SLC5A10: variants seen among roughly 807,000 people sequenced by gnomAD.
The protein encoded by SLC5A10 is sodium/mannose cotransporter SLC5A10.
Under a neutral mutation model 68.9 loss-of-function variants are expected in SLC5A10, and 55 were observed. That is an observed-to-expected ratio of 0.80 (90% CI 0.64 to 1.00). The LOEUF is 1.00. SLC5A10 is among the 50% of genes least tolerant of loss of function. The probability of loss-of-function intolerance (pLI) is 0.00; values close to 1 mark genes in which losing one functional copy is unlikely to be tolerated. For missense variants in SLC5A10, 732 were observed against 819.3 expected, an observed-to-expected ratio of 0.89 and a Z score of 1.30; for synonymous variants, 344 against 344.8, an observed-to-expected ratio of 1.00 and a Z score of 0.02.
rs537020289 is a variant in SLC5A10 at position 18,968,838 on chromosome 17, C to A, written c.454-214C>A. 2 of 573,828 alleles carry A rather than the reference C, an allele frequency of 3.5e-6. No individual in the cohort carries two copies. The highest frequency in any genetic ancestry group is 6.2e-6 in the Non-Finnish European group (2 of 323,246). 35.5% of individuals were successfully genotyped at this position (573,828 alleles called of 1,614,324 possible). ...TGGACTTTATTAGCAACAGTAATGT[C>A]CCCTGACATCCGCACAAGCTTGTAG... On this transcript the variant is annotated intron_variant, in intron 5 of 14. Transcript: ENST00000395645. This position sits in a 1 kb window ranked among gnomAD's most constrained non-coding sequence, Gnocchi z 4.1.
chr17:18,969,150 C>T lies in SLC5A10; in HGVS notation c.552C>T (p.Thr184=). ...ILTLGITALY[T]IAGGLAAVIY... is the part of the protein sequence containing the mutation. ...CGCTCGGCATCACAGCCCTGTACAC[C>T]ATCGCAGGTATGGTGCCTGCAGCAG... The change falls in exon 6 of 15, where the codon ACC becomes ACT. Residue 184 remains threonine (T), a synonymous_variant. Transcript: ENST00000395645. The T allele has an allele frequency of 6.2e-7, 1 of 1,613,692 alleles. No homozygotes were observed. The highest frequency in any genetic ancestry group is 8.5e-7 in the Non-Finnish European group (1 of 1,179,784).
intron 5 of SLC5A10, among the ~76,000 whole-genome samples, chr17:18,961,757 G>C (rs1020924413): frequency 6.6e-6 from 1 of 152,192 alleles, no homozygotes; most frequent in African/African-American, 2.4e-5. Context: ...ACGGGGCCCC[G>C]GTGGGGGTCT....
intron 9 of SLC5A10, among the ~76,000 whole-genome samples, chr17:18,982,641 G>T (rs896646316): frequency 6.6e-6 from 1 of 152,182 alleles, no homozygotes; most frequent in Admixed American, 6.5e-5. Context: ...AAGGCAAGGT[G>T]GGGGCTCCAG....
At chr17:18,958,880 A>G (rs2151992709) in intron 2 of SLC5A10, 127 bp downstream of exon 2, 2 of 1,108,510 alleles carry the variant, frequency 1.8e-6, no homozygotes, top group Non-Finnish European at 2.6e-6. Flanking sequence ...GGCTGGCAGG[A>G]GGTCCCCAAG....
intron 9 of SLC5A10, among the ~76,000 whole-genome samples, chr17:18,981,461 G>A (rs2043130944): frequency 6.6e-6 from 1 of 152,182 alleles, no homozygotes; most frequent in Admixed American, 6.5e-5. Flanking sequence ...CGATGGGGTT[G>A]GGTGTGTATC....
At chr17:18,984,108 C>T (rs1455821092) in intron 9 of SLC5A10, among the ~76,000 whole-genome samples, 3 of 151,920 alleles carry the variant, frequency 2.0e-5, no homozygotes, top group African/African-American at 7.3e-5. Context: ...TTTGGGAGGC[C>T]GAGGCGGGCG....
chr17:18,972,484 G>A (rs1474739271), intron 8 of SLC5A10, among the ~76,000 whole-genome samples: 6 of 152,158 alleles, frequency 3.9e-5, no homozygotes, highest in Non-Finnish European at 7.3e-5. Flanking sequence ...TGACTTTTCC[G>A]TGGTTCCCGA....
At position 19,019,586 on chromosome 17, in the gene SLC5A10, G is replaced by C. The variant is rs1453244081; in HGVS notation, c.1405G>C (p.Glu469Gln). The change falls in exon 12 of 15, where the codon GAG becomes CAG. Residue 469 changes from glutamate to glutamine, a missense_variant. By Grantham distance (29) the Glu-to-Gln change is conservative. Transcript: ENST00000395645. ...GGGCGTCTTCTGGCGACGTGCCAAC[G>C]AGCAGGTGGGCGTCGGCGGTCTGCT... ...VLGVFWRRAN[E>Q]QGAFWGLIAG... 6.2e-7 allele frequency: 1 copy of C among 1,611,096 alleles called. No individual in the cohort carries two copies. Among genetic ancestry groups the C allele is most frequent in the African/African-American group, 1.3e-5 (1 of 75,032 alleles).
chr17:18,969,081 G>C lies in SLC5A10; in HGVS notation c.483G>C (p.Val161=). ...SLDLYAGALF[V]HICLGWNFYL... ...ACCTGTACGCGGGGGCTCTGTTTGT[G>C]CACATCTGCCTGGGCTGGAACTTCT... The change falls in exon 6 of 15, where the codon GTG becomes GTC. Residue 161 remains valine, a synonymous_variant. Coordinates refer to ENST00000395645, the MANE Select transcript of SLC5A10 (RefSeq NM_001042450.4). 1 of 1,614,096 alleles carries C rather than the reference G, an allele frequency of 6.2e-7. No individual in the cohort carries two copies. The highest frequency in any genetic ancestry group is 8.5e-7 in the Non-Finnish European group (1 of 1,179,992).
rs1187730923 is a variant in SLC5A10 at position 19,018,568 on chromosome 17, C to A, written c.1242-855C>A. ...GGGTAGTGTCCTACGCAGGTGAGCA[C>A]CTCACCAGTGGTTTGTTGGATGAAC... is the stretch of plus-strand genomic sequence containing the variant. On this transcript the variant is annotated intron_variant, in intron 11 of 14. Transcript: ENST00000395645. This position sits in a 1 kb window ranked among gnomAD's most constrained non-coding sequence, Gnocchi z 4.2. The A allele has an allele frequency of 6.6e-6, 1 of 152,266 alleles. No homozygotes were observed. The highest frequency in any genetic ancestry group is 1.5e-5 in the Non-Finnish European group (1 of 68,064). The allele number at this position is 152,266 out of a possible 1,614,324, so 9.4% of individuals were successfully genotyped here.
rs1490873096 is a variant in SLC5A10 at position 19,013,526 on chromosome 17, G to A, written c.1090+9G>A. On this transcript the variant is annotated intron_variant, in intron 10 of 14. Coordinates refer to ENST00000395645, the MANE Select transcript of SLC5A10 (RefSeq NM_001042450.4). Reference sequence around the variant, plus strand: ...GGAACTGATGCCCATCGGTGAGGCTGTGTGGGTGGGGGTCTGGGTGGAGGG... The same window carrying A: ...GGAACTGATGCCCATCGGTGAGGCTATGTGGGTGGGGGTCTGGGTGGAGGG... 5 of 1,462,758 alleles carry A rather than the reference G, an allele frequency of 3.4e-6. No homozygotes were observed. The African/African-American group carries it at 1.3e-4, about 38-fold the overall frequency. 90.6% of individuals were successfully genotyped at this position (1,462,758 alleles called of 1,614,324 possible). A position where few individuals can be genotyped will look rare whatever the true frequency, so the allele number is the denominator to read the frequency against.
At chr17:18,951,798 G>A (rs2042372559), upstream of SLC5A10, 1 of 176,454 alleles carries the variant, frequency 5.7e-6, no homozygotes. Context: ...CAGAGGTGAG[G>A]CGGTTGTCCC....
chr17:18,998,565 G>A (rs575692850), intron 9 of SLC5A10, among the ~76,000 whole-genome samples: 2 of 152,360 alleles, frequency 1.3e-5, no homozygotes, highest in East Asian at 3.9e-4. Context: ...TGGGAAGGAG[G>A]CCAGCCCAGT....
intron 9 of SLC5A10, among the ~76,000 whole-genome samples, chr17:19,012,065 A>C (rs1293842788): frequency 6.6e-6 from 1 of 152,066 alleles, no homozygotes; most frequent in Non-Finnish European, 1.5e-5. Flanking sequence ...ACTCCCCCGT[A>C]ATCATCATCT....
At chr17:19,015,833 C>A (rs946841202) in intron 11 of SLC5A10, among the ~76,000 whole-genome samples, 1 of 152,190 alleles carries the variant, frequency 6.6e-6, no homozygotes, top group Non-Finnish European at 1.5e-5. Flanking sequence ...GAGACCTCCC[C>A]GACACCCTTC....
At chr17:18,997,425 C>A (rs1258689094) in intron 9 of SLC5A10, among the ~76,000 whole-genome samples, 2 of 152,280 alleles carry the variant, frequency 1.3e-5, no homozygotes, top group African/African-American at 4.8e-5. Flanking sequence ...AGCTTCCAGG[C>A]TTGCAGGCGC....
chr17:18,950,999 A>G (rs915619368), upstream of SLC5A10: 1 of 152,266 alleles, frequency 6.6e-6, no homozygotes, highest in Non-Finnish European at 1.5e-5. Flanking sequence ...TCCCAAGGGC[A>G]TGAGCCACTG....
Position 19,017,600 on chromosome 17 carries a change from G to A in SLC5A10, c.1242-1823G>A, listed in dbSNP as rs532010131. 13 of 549,426 alleles carry A rather than the reference G, an allele frequency of 2.4e-5. No homozygotes were observed. Among genetic ancestry groups the A allele is most frequent in the Admixed American group, 9.5e-5 (3 of 31,692 alleles). The allele number at this position is 549,426 out of a possible 1,614,324, so 34.0% of individuals were successfully genotyped here. A position where few individuals can be genotyped will look rare whatever the true frequency, so the allele number is the denominator to read the frequency against. On this transcript the variant is annotated intron_variant, in intron 11 of 14. Transcript: ENST00000395645. This position sits in a 1 kb window ranked among gnomAD's most constrained non-coding sequence, Gnocchi z 5.6. ...AGAGCGATGACCCGCCCCCACTCCC[G>A]TATGCCTGCCCCAAGCCCCCACACC...
At chr17:19,014,377 C>T (rs192358780) in intron 10 of SLC5A10, among the ~76,000 whole-genome samples, 5 of 152,228 alleles carry the variant, frequency 3.3e-5, no homozygotes, top group African/African-American at 9.6e-5. Context: ...CAATGCTACC[C>T]GCACCTCCTA....
Sources: allele counts gnomAD v4.1 joint callset (sites outside exome capture counted in the v4.1 genomes callset), GRCh38; gene constraint gnomAD v4.1.1; non-coding constraint Gnocchi (gnomAD v3.1); transcripts MANE v1.5; gene names NCBI Gene and HGNC (gene_info 2026-07-23, HGNC 2026-07-21).